The following PRAME variants were observed in gnomAD, a reference collection of about 807,000 sequenced individuals.
PRAME encodes PRAME nuclear receptor transcriptional regulator, also known as melanoma antigen preferentially expressed in tumors.
PRAME carries 21 observed loss-of-function variants against 32.1 expected under a neutral mutation model. The observed-to-expected ratio is 0.65, with a 90% CI of 0.46 to 0.94. PRAME has a LOEUF of 0.94. PRAME is among the 40% of genes least tolerant of loss of function. The pLI, the probability that PRAME is intolerant of heterozygous loss-of-function variation, is 0.00. For missense variants in PRAME, 651 were observed against 622.3 expected (o/e 1.05, Z -0.49); for synonymous variants, 274 against 251.5 (o/e 1.09, Z -0.85).
intron 1 of PRAME, among the ~76,000 whole-genome samples, chr22:22,558,505 G>C (rs1187564778): frequency 9.9e-6 from 1 of 101,064 alleles, no homozygotes; most frequent in East Asian, 3.9e-4. Context: ...GTTGGGGAGG[G>C]GGAGGGAAAA....
rs202044391 is a variant in PRAME at position 22,550,875 on chromosome 22, G to A, written c.236C>T (p.Thr79Ile). 7.4e-6 allele frequency: 12 copies of A among 1,613,816 alleles called. No homozygotes were observed. In the East Asian group the frequency reaches 2.7e-4, roughly 36 times the overall value. Residue 79 changes from threonine to isoleucine, a missense_variant, in exon 4 of 6, where the codon ACC becomes ATC. Physicochemically the swap from Thr to Ile is moderately conservative, Grantham distance 89 (BLOSUM62 -1). Transcript: ENST00000405655. ...CATCAGCACTCCCAGAGGGAGGCAGGTGAAGGGCCAGGCCTGCACCATTGC... is the reference window on the plus strand; with the variant it reads ...CATCAGCACTCCCAGAGGGAGGCAGATGAAGGGCCAGGCCTGCACCATTGC... ...LKAMVQAWPFTCLPLGVLMKG... is the reference protein window; with the variant it reads ...LKAMVQAWPFICLPLGVLMKG...
Position 22,550,105 on chromosome 22 carries a change from A to G in PRAME, c.574T>C (p.Phe192Leu), listed in dbSNP as rs764594658. 2.5e-6 allele frequency: 4 copies of G among 1,613,932 alleles called. No homozygotes were observed. The highest frequency in any genetic ancestry group is 1.7e-5 in the Admixed American group (1 of 60,000). The change falls in exon 5 of 6, where the codon TTC (phenylalanine) becomes CTC (leucine). Residue 192 changes from phenylalanine (F) to leucine (L), a missense_variant. Physicochemically the swap from Phe to Leu is conservative, Grantham distance 22 (BLOSUM62 0). Transcript: ENST00000405655. ...TTCACTTTCTCAATGAGGTAGGAGA[A>G]CAATTCATCACAGGCACCTTCCTTG... ...FLKEGACDEL[F>L]SYLIEKVKRK...
At chr22:22,551,448 C>A (rs932727975) in intron 3 of PRAME, among the ~76,000 whole-genome samples, 2 of 151,940 alleles carry the variant, frequency 1.3e-5, no homozygotes, top group African/African-American at 4.8e-5. Context: ...CACTCAAAGG[C>A]AATTCAAATG....
intron 3 of PRAME, among the ~76,000 whole-genome samples, chr22:22,556,600 C>T (rs541015687): frequency 2.6e-5 from 4 of 152,064 alleles, no homozygotes; most frequent in South Asian, 2.1e-4. Flanking sequence ...CATGAGCCAC[C>T]GTGCCCGACC....
rs74876628 is a variant in PRAME at position 22,548,640 on chromosome 22, G to T, written c.957C>A (p.His319Gln). 1.1e-5 allele frequency: 17 copies of T among 1,591,330 alleles called. No homozygotes were observed. The highest frequency in any genetic ancestry group is 8.5e-7 in the Non-Finnish European group (1 of 1,173,148). The part of the protein sequence containing the change: ...LRGRLDQLLR[H>Q]VMNPLETLSI... ...AGAGGGTTTCCAAGGGGTTCATCAC[G>T]TGCCTGCAAATAGACAAAGCAGTTA... The change falls in exon 6 of 6, where the codon CAC becomes CAA. Residue 319 changes from histidine to glutamine, a missense_variant. Coordinates refer to ENST00000405655, the MANE Select transcript of PRAME (RefSeq NM_206956.3).
At chr22:22,553,091 C>T (rs190258111) in intron 3 of PRAME, 284 of 371,102 alleles carry the variant, frequency 7.7e-4, no homozygotes, top group African/African-American at 5.7e-3. Context: ...TGAACAAAAC[C>T]ACCCAGAGAG....
chr22:22,550,502 G>C (rs1416803148), intron 4 of PRAME, among the ~76,000 whole-genome samples, 168 bp from the exon 5 acceptor site: 1 of 151,882 alleles, frequency 6.6e-6, no homozygotes. Flanking sequence ...AGGATCCTGG[G>C]ATCCTTCCTG....
intron 5 of PRAME, among the ~76,000 whole-genome samples, chr22:22,549,427 A>G (rs920496430): frequency 2.6e-5 from 4 of 151,842 alleles, no homozygotes; most frequent in African/African-American, 9.7e-5. Context: ...CATCTTAGGC[A>G]TCACTTCCTA....
intron 3 of PRAME, among the ~76,000 whole-genome samples, chr22:22,553,183 C>T (rs1208924745): frequency 6.6e-6 from 1 of 151,956 alleles, no homozygotes; most frequent in East Asian, 2.0e-4. Flanking sequence ...AGCATCATGA[C>T]ATCACCCCTT....
rs1041798942 is a variant in PRAME at position 22,557,539 on chromosome 22, A to G, written c.-78+6T>C. 3.9e-5 allele frequency: 6 copies of G among 152,086 alleles called. No individual in the cohort carries two copies. The East Asian group carries it at 1.2e-3, about 31-fold the overall frequency. 9.4% of individuals were successfully genotyped at this position (152,086 alleles called of 1,614,324 possible). ...GGGAAGCGGAGGAATCAGGGCTCGA[A>G]CTTACGTTTTTCCTCAGAGAGTTCA... On this transcript the variant is annotated splice_donor_region_variant and intron_variant, in intron 2 of 5. Transcript: ENST00000405655.
chr22:22,549,599 T>C, intron 5 of PRAME, 127 bp downstream of exon 5: 2 of 1,240,136 alleles, frequency 1.6e-6, no homozygotes, highest in East Asian at 5.1e-5. Flanking sequence ...GAACAAGACG[T>C]GTTAACTGGT....
intron 3 of PRAME, among the ~76,000 whole-genome samples, chr22:22,555,128 A>G (rs1397840801): frequency 6.6e-6 from 1 of 151,996 alleles, no homozygotes; most frequent in East Asian, 2.0e-4. Context: ...ATATTTCTGC[A>G]TGTCCTGTCT....
chr22:22,557,098 G>A (rs922278103), intron 2 of PRAME, 189 bp from the exon 3 acceptor site: 11 of 552,402 alleles, frequency 2.0e-5, no homozygotes, highest in African/African-American at 1.3e-4. Flanking sequence ...TGAACCAGGG[G>A]GCAGGAGGAA....
At position 22,550,113 on chromosome 22, in the gene PRAME, T is replaced by C; in HGVS notation, c.566A>G (p.Asp189Gly). 2.5e-6 allele frequency: 4 copies of C among 1,613,906 alleles called. No homozygotes were observed. Among genetic ancestry groups the C allele is most frequent in the South Asian group, 2.2e-5 (2 of 91,070 alleles). ...VDLFLKEGAC[D>G]ELFSYLIEKV... ...CTCAATGAGGTAGGAGAACAATTCA[T>C]CACAGGCACCTTCCTTGAGGAACAG... Residue 189 changes from aspartate to glycine, a missense_variant, in exon 5 of 6, where the codon GAT (aspartate) becomes GGT (glycine). Transcript: ENST00000405655.
chr22:22,559,210 G>T lies in PRAME; in HGVS notation c.-353C>A. The T allele has an allele frequency of 1.4e-5, 4 of 293,876 alleles. 1 individual carries two copies. Among genetic ancestry groups the T allele is most frequent in the South Asian group, 1.2e-4 (4 of 34,460 alleles). The allele number at this position is 293,876 out of a possible 1,614,324, so 18.2% of individuals were successfully genotyped here. ...GTCACGCCTGGGAAGCGGGTGGGGT[G>T]TCCCGGAGCGGTGCTGAGGCGCTGC... On this transcript the variant is annotated 5_prime_UTR_variant, in exon 1 of 6. Coordinates refer to ENST00000405655, the MANE Select transcript of PRAME (RefSeq NM_206956.3).
chr22:22,552,959 CG>C (rs1569224157), intron 3 of PRAME: 1 of 470,540 alleles, frequency 2.1e-6, no homozygotes, highest in Non-Finnish European at 4.4e-6. Flanking sequence ...ACGCTGCCAA[CG>C]GAAGAGCCAA....
chr22:22,556,874 G>T lies in PRAME; in HGVS notation c.-42C>A. 6.2e-7 allele frequency: 1 copy of T among 1,612,384 alleles called. No individual in the cohort carries two copies. Among genetic ancestry groups the T allele is most frequent in the Non-Finnish European group, 8.5e-7 (1 of 1,179,536 alleles). ...CTGGCCTCAGGACCTCCAACGCTTG[G>T]ATTTCTAGGTCTCAGTCACTTGTTG... On this transcript the variant is annotated 5_prime_UTR_variant, in exon 3 of 6. Coordinates refer to ENST00000405655, the MANE Select transcript of PRAME (RefSeq NM_206956.3).
At chr22:22,554,135 G>C (rs1442680177) in intron 3 of PRAME, 2 of 985,012 alleles carry the variant, frequency 2.0e-6, no homozygotes, top group East Asian at 1.1e-4. Context: ...TTAAGGATCT[G>C]CTTAGGGATG....
At chr22:22,551,112 A>C (rs1261282406) in intron 3 of PRAME, 23 bp from the exon 4 acceptor site, 13 of 1,534,382 alleles carry the variant, frequency 8.5e-6, no homozygotes, top group Non-Finnish European at 1.1e-5. Flanking sequence ...ACAGGGAACA[A>C]GGCATCCCTT....
Sources: gnomAD v4.1 joint callset for allele counts (sites outside exome capture counted in the v4.1 genomes callset) on GRCh38, gnomAD v4.1.1 for gene constraint, MANE v1.5 for transcripts, NCBI Gene and HGNC (gene_info 2026-07-23, HGNC 2026-07-21) for gene names.